Variants in SPTY2D1 observed in about 807,000 individuals in gnomAD.
SPTY2D1 encodes the protein SPT2 chromatin protein domain containing 1, also known as protein SPT2 homolog.
SPTY2D1 carries 21 observed loss-of-function variants against 64.0 expected under a neutral mutation model. That is an observed-to-expected ratio of 0.33 (90% CI 0.23 to 0.47). The LOEUF (loss-of-function observed/expected upper bound fraction) is 0.47. SPTY2D1 is among the 20% of genes least tolerant of loss of function. SPTY2D1 has a pLI of 1.00. For synonymous variants in SPTY2D1, 287 were observed against 286.8 expected, an observed-to-expected ratio of 1.00 and a Z score of -0.01; for missense variants, 724 against 837.2, an observed-to-expected ratio of 0.86 and a Z score of 1.67.
intron 1 of SPTY2D1, among the ~76,000 whole-genome samples, chr11:18,630,301 C>G (rs112805778): frequency 0.083 from 12,559 of 152,102 alleles, 1,374 homozygotes; most frequent in African/African-American, 0.25. Context: ...ATGGTGAAAC[C>G]CCATCTCTAC....
rs16935599 is a variant in SPTY2D1 at position 18,614,934 on chromosome 11, C to T, written c.1340G>A (p.Arg447Gln). The change falls in exon 3 of 6, where the codon CGA becomes CAA. Residue 447 changes from arginine to glutamine, a missense_variant. This residue lies in a region of SPTY2D1 where 426 missense variants were observed against 431.8 expected (regional missense o/e 0.99). Transcript: ENST00000336349. ...AGAACTAACTGAACCACTGATGGGT[C>T]GCCCAGGGCCACCTGAGCTGCTTGC... Reference protein sequence around the residue: ...QPASSSGGPGRPISGSVSSAR... With the variant: ...QPASSSGGPGQPISGSVSSAR... 67,401 of 1,613,588 alleles carry T rather than the reference C, an allele frequency of 0.042. 1,652 individuals carry two copies. Among genetic ancestry groups the T allele is most frequent in the Middle Eastern group, 0.062 (377 of 6,058 alleles).
At chr11:18,626,322 C>A (rs1361125105) in intron 1 of SPTY2D1, among the ~76,000 whole-genome samples, 1 of 152,146 alleles carries the variant, frequency 6.6e-6, no homozygotes, top group Non-Finnish European at 1.5e-5. Context: ...CTGTAAATAT[C>A]CTTCTGCCTA....
At chr11:18,617,676 T>C (rs1413494994) in intron 1 of SPTY2D1, among the ~76,000 whole-genome samples, 1 of 146,976 alleles carries the variant, frequency 6.8e-6, no homozygotes, top group African/African-American at 2.5e-5. Context: ...GTGCGGTGGC[T>C]CACGCCTATA....
Position 18,612,078 on chromosome 11 carries a change from T to C in SPTY2D1, c.1886+236A>G. 1 of 338,102 alleles carries C rather than the reference T, an allele frequency of 3.0e-6. No individual in the cohort carries two copies. Among genetic ancestry groups the C allele is most frequent in the Non-Finnish European group, 5.2e-6 (1 of 190,926 alleles). The allele number at this position is 338,102 out of a possible 1,614,324, so 20.9% of individuals were successfully genotyped here. On this transcript the variant is annotated intron_variant, in intron 4 of 5. Transcript: ENST00000336349. This position sits in a 1 kb window ranked among gnomAD's most constrained non-coding sequence, Gnocchi z 4.6. ...TCACTAAATATATATCTTATAAGAATAACAATTTAAAAGGGTTATTTTTTG... is the reference window on the plus strand; with the variant it reads ...TCACTAAATATATATCTTATAAGAACAACAATTTAAAAGGGTTATTTTTTG...
chr11:18,620,127 T>C (rs1854369152), intron 1 of SPTY2D1, among the ~76,000 whole-genome samples: 1 of 152,220 alleles, frequency 6.6e-6, no homozygotes, highest in Non-Finnish European at 1.5e-5. Context: ...ACTACCTTTA[T>C]GATTTTTGCC....
At position 18,612,225 on chromosome 11, in the gene SPTY2D1, G is replaced by GCCT; in HGVS notation, c.1886+86_1886+88dup. 1 of 1,019,868 alleles carries GCCT rather than the reference G, an allele frequency of 9.8e-7. No individual in the cohort carries two copies. 63.2% of individuals were successfully genotyped at this position (1,019,868 alleles called of 1,614,324 possible). A position where few individuals can be genotyped will look rare whatever the true frequency, so the allele number is the denominator to read the frequency against. On this transcript the variant is annotated intron_variant, in intron 4 of 5. Transcript: ENST00000336349. The surrounding 1 kb of genome is among the most constrained non-coding windows in gnomAD (Gnocchi z 4.6). The stretch of plus-strand genomic sequence containing the variant: ...TTCCTAATTAAGAATTGTATTCAGT[G>GCCT]CCTCCACTATTAGTTTATTACCCCA...
At chr11:18,620,876 G>A (rs1854384347) in intron 1 of SPTY2D1, among the ~76,000 whole-genome samples, 2 of 117,416 alleles carry the variant, frequency 1.7e-5, no homozygotes, top group Admixed American at 9.5e-5. Context: ...AACAGAGCAA[G>A]ACTCTATCTC....
In SPTY2D1 at chr11:18,609,826, G is replaced by A; in HGVS notation, c.*35C>T. 6.3e-7 allele frequency: 1 copy of A among 1,591,292 alleles called. No individual in the cohort carries two copies. The highest frequency in any genetic ancestry group is 8.6e-7 in the Non-Finnish European group (1 of 1,160,532). ...GAAGGCAGGAAATCCTTGCAGCAGA[G>A]CAGCTCTAGAATTTCACAAAAATAA... On this transcript the variant is annotated 3_prime_UTR_variant, in exon 6 of 6. Transcript: ENST00000336349.
At chr11:18,625,078 T>A (rs754379708) in intron 1 of SPTY2D1, among the ~76,000 whole-genome samples, 6 of 152,254 alleles carry the variant, frequency 3.9e-5, no homozygotes, top group Non-Finnish European at 8.8e-5. Flanking sequence ...GTAGAAAATA[T>A]AAATTTCTTG....
Position 18,614,837 on chromosome 11 carries a change from C to CA in SPTY2D1, c.1436dup (p.Ser480GlufsTer29). The stretch of plus-strand genomic sequence containing the variant: ...ACCGCCCCGGGGGGCCCAAGCCACT[C>CA]ACTGGTCGTCGAAGTTCATGTGGAC... On this transcript the variant is annotated frameshift_variant, in exon 3 of 6. Coordinates refer to ENST00000336349, the MANE Select transcript of SPTY2D1 (RefSeq NM_194285.3). LOFTEE classifies it high-confidence loss of function. 1 of 1,613,656 alleles carries CA rather than the reference C, an allele frequency of 6.2e-7. No individual in the cohort carries two copies. The highest frequency in any genetic ancestry group is 8.5e-7 in the Non-Finnish European group (1 of 1,179,744).
Position 18,614,726 on chromosome 11 carries a change from G to A in SPTY2D1, c.1548C>T (p.Ser516=), listed in dbSNP as rs775911514. ...TAACTGTTTGCCCAGGTCCCAAGCT[G>A]CTCACTGGTCTTCCTGGGACTGAAT... ...VSNSVPGRPV[S]SLGPGQTVSS... Residue 516 remains serine, a synonymous_variant, in exon 3 of 6, where the codon AGC becomes AGT. Coordinates refer to ENST00000336349, the MANE Select transcript of SPTY2D1 (RefSeq NM_194285.3). 42 of 1,614,142 alleles carry A rather than the reference G, an allele frequency of 2.6e-5. No individual in the cohort carries two copies. In the East Asian group the frequency reaches 9.4e-4, roughly 36 times the overall value.
At chr11:18,628,081 C>T (rs182997390) in intron 1 of SPTY2D1, among the ~76,000 whole-genome samples, 3 of 152,092 alleles carry the variant, frequency 2.0e-5, no homozygotes, top group African/African-American at 7.2e-5. Context: ...GATAAGAGAC[C>T]CCTTTACTAT....
At chr11:18,617,516 C>T (rs1003627767) in intron 1 of SPTY2D1, among the ~76,000 whole-genome samples, 7 of 148,774 alleles carry the variant, frequency 4.7e-5, no homozygotes, top group Admixed American at 1.4e-4. Flanking sequence ...ATCCCAGCTA[C>T]TCAGGAGGCT....
Position 18,614,614 on chromosome 11 carries a change from CATTGCTGGACCGGCT to C in SPTY2D1, c.1645_1659del (p.Ser549_Asn553del). Reference sequence around the variant, plus strand: ...GGAGGCTTCATTCCATTCATCTGTCCATTGCTGGACCGGCTAATGATATTCTTGGAAGAAATTGTT... The same window carrying C: ...GGAGGCTTCATTCCATTCATCTGTCCAATGATATTCTTGGAAGAAATTGTT... On this transcript the variant is annotated inframe_deletion, in exon 3 of 6. Coordinates refer to ENST00000336349, the MANE Select transcript of SPTY2D1 (RefSeq NM_194285.3). 1 of 1,614,124 alleles carries C rather than the reference CATTGCTGGACCGGCT, an allele frequency of 6.2e-7. No individual in the cohort carries two copies. Among genetic ancestry groups the C allele is most frequent in the Non-Finnish European group, 8.5e-7 (1 of 1,179,996 alleles).
chr11:18,630,780 T>TATA (rs572671689), intron 1 of SPTY2D1, among the ~76,000 whole-genome samples: 128 of 152,160 alleles, frequency 8.4e-4, no homozygotes, highest in Non-Finnish European at 1.5e-3. Context: ...GCAGGGTGTG[T>TATA]ATAGGGCAGG....
intron 1 of SPTY2D1, among the ~76,000 whole-genome samples, chr11:18,618,194 C>A (rs950324313): frequency 5.3e-5 from 8 of 152,090 alleles, no homozygotes; most frequent in African/African-American, 1.9e-4. Flanking sequence ...AAGGCTGGGG[C>A]AAACCACAGC....
Position 18,616,937 on chromosome 11 carries a change from C to A in SPTY2D1, c.113G>T (p.Gly38Val), listed in dbSNP as rs769648379. 6.2e-7 allele frequency: 1 copy of A among 1,614,166 alleles called. No individual in the cohort carries two copies. The highest frequency in any genetic ancestry group is 8.5e-7 in the Non-Finnish European group (1 of 1,180,030). ...GPPKKDPKVKGVQSAAVQAFL... is the reference protein window; with the variant it reads ...GPPKKDPKVKVVQSAAVQAFL... Reference sequence around the variant, plus strand: ...AGCTTGTACAGCTGCTGATTGGACACCTTTAACTTTTGGGTCTTTTTTTGG... The same window carrying A: ...AGCTTGTACAGCTGCTGATTGGACAACTTTAACTTTTGGGTCTTTTTTTGG... The change falls in exon 2 of 6, where the codon GGT (glycine) becomes GTT (valine). Residue 38 changes from glycine (G) to valine (V), a missense_variant. Physicochemically the swap from Gly to Val is moderately radical, Grantham distance 109. Around this residue, in one of 3 missense-constraint regions of SPTY2D1, gnomAD observed 179 missense variants for 232.5 expected, o/e 0.77. Coordinates refer to ENST00000336349, the MANE Select transcript of SPTY2D1 (RefSeq NM_194285.3).
intron 5 of SPTY2D1, 74 bp downstream of exon 5, chr11:18,611,403 G>C (rs1854204279): frequency 1.5e-6 from 2 of 1,351,400 alleles, no homozygotes; most frequent in South Asian, 2.3e-5. Flanking sequence ...AGTTCCCAAT[G>C]GTGCAATTGT....
intron 1 of SPTY2D1, among the ~76,000 whole-genome samples, chr11:18,633,466 C>T (rs1270521273): frequency 6.6e-6 from 1 of 152,210 alleles, no homozygotes; most frequent in Non-Finnish European, 1.5e-5. Context: ...ACCACTTTAC[C>T]ATTTAAGTCT....
Sources: allele counts gnomAD v4.1 joint callset (sites outside exome capture counted in the v4.1 genomes callset), GRCh38; gene constraint gnomAD v4.1.1; regional missense constraint gnomAD v4.1.1; non-coding constraint Gnocchi (gnomAD v3.1); transcripts MANE v1.5; gene names NCBI Gene and HGNC (gene_info 2026-07-23, HGNC 2026-07-21).